The following SYNPO2 variants were observed in gnomAD, a reference collection of about 807,000 sequenced individuals.
SYNPO2 encodes synaptopodin-2.
SYNPO2 carries 56 observed loss-of-function variants against 85.0 expected under a neutral mutation model. The ratio of observed to expected loss-of-function variants is 0.66; its 90% CI spans 0.53 to 0.82. The LOEUF (loss-of-function observed/expected upper bound fraction) is 0.82, where lower values mean the gene tolerates loss of function less well. Ranked by LOEUF, SYNPO2 falls within the 40% of genes least tolerant of loss-of-function variation. The probability of loss-of-function intolerance (pLI) is 0.00; values close to 1 mark genes in which losing one functional copy is unlikely to be tolerated. For synonymous variants in SYNPO2, 602 were observed against 591.1 expected, an observed-to-expected ratio of 1.02 and a Z score of -0.27; for missense variants, 1,575 against 1,534.2, an observed-to-expected ratio of 1.03 and a Z score of -0.44.
At chr4:119,008,775 A>G (rs573672582) in intron 1 of SYNPO2, among the ~76,000 whole-genome samples, 2 of 152,138 alleles carry the variant, frequency 1.3e-5, no homozygotes, top group East Asian at 1.9e-4. Flanking sequence ...TTTTTTGCTG[A>G]ACTTTAACTC....
intron 1 of SYNPO2, 61 bp downstream of exon 1, chr4:118,889,202 C>G (rs1055589298): frequency 6.8e-7 from 1 of 1,466,064 alleles, no homozygotes; most frequent in African/African-American, 1.4e-5. Flanking sequence ...AAGCAACCTG[C>G]TGATGGTGTT....
At chr4:119,056,220 G>A (rs1739201242) in intron 4 of SYNPO2, among the ~76,000 whole-genome samples, 1 of 152,182 alleles carries the variant, frequency 6.6e-6, no homozygotes, top group African/African-American at 2.4e-5. Flanking sequence ...ATGCAGAGGA[G>A]TAAAAGGAGA....
chr4:118,879,569 T>C (rs1007697486), intron 1 of SYNPO2, among the ~76,000 whole-genome samples: 16 of 152,330 alleles, frequency 1.1e-4, no homozygotes, highest in African/African-American at 3.4e-4. Context: ...ACAGTGGACC[T>C]AGCAGCCCTT....
At chr4:118,864,281 T>A (rs534960637) in intron 1 of SYNPO2, among the ~76,000 whole-genome samples, 1 of 152,350 alleles carries the variant, frequency 6.6e-6, no homozygotes, top group African/African-American at 2.4e-5. Flanking sequence ...CCTCTTATTA[T>A]TGATTTTATT....
At chr4:118,891,101 C>T (rs1732365499) in intron 1 of SYNPO2, among the ~76,000 whole-genome samples, 1 of 152,080 alleles carries the variant, frequency 6.6e-6, no homozygotes. Flanking sequence ...CTAATGGCAT[C>T]TCTATTTTCA....
chr4:118,864,008 T>G (rs1391890309), intron 1 of SYNPO2, among the ~76,000 whole-genome samples: 1 of 152,224 alleles, frequency 6.6e-6, no homozygotes, highest in Admixed American at 6.5e-5. Flanking sequence ...GGGTTTGGTT[T>G]GCTCTTGTTT....
At chr4:119,035,540 T>C (rs1738473166) in intron 4 of SYNPO2, 1 of 985,474 alleles carries the variant, frequency 1.0e-6, no homozygotes. Flanking sequence ...CTCTAGAGCA[T>C]GTCAAACTTT....
At chr4:119,024,437 A>G (rs1487710522) in intron 2 of SYNPO2, among the ~76,000 whole-genome samples, 1 of 152,076 alleles carries the variant, frequency 6.6e-6, no homozygotes, top group Admixed American at 6.6e-5. Context: ...TTTTTCCTCA[A>G]CTCTGCAGAA....
chr4:119,048,091 C>A (rs1454668084), intron 4 of SYNPO2, among the ~76,000 whole-genome samples: 1 of 152,136 alleles, frequency 6.6e-6, no homozygotes, highest in Non-Finnish European at 1.5e-5. Context: ...GACCTGAATG[C>A]AAATCATTTA....
At chr4:119,041,741 C>T (rs1738722349) in intron 4 of SYNPO2, among the ~76,000 whole-genome samples, 1 of 152,146 alleles carries the variant, frequency 6.6e-6, no homozygotes, top group Non-Finnish European at 1.5e-5. Flanking sequence ...ATATACAGCA[C>T]TTTAGTATGA....
intron 1 of SYNPO2, among the ~76,000 whole-genome samples, chr4:118,989,480 C>G (rs2149167199): frequency 6.6e-6 from 1 of 152,278 alleles, no homozygotes; most frequent in South Asian, 2.1e-4. Context: ...CCCTAGCAAG[C>G]CTGAGGGCAT....
chr4:118,985,153 C>T (rs1053275057), intron 1 of SYNPO2, among the ~76,000 whole-genome samples: 14 of 151,332 alleles, frequency 9.3e-5, no homozygotes, highest in African/African-American at 1.2e-4. Context: ...TTACGTACAC[C>T]GAAGCTTCAG....
intron 1 of SYNPO2, among the ~76,000 whole-genome samples, chr4:118,942,684 GA>G (rs1734356141): frequency 6.6e-6 from 1 of 152,172 alleles, no homozygotes; most frequent in African/African-American, 2.4e-5. Context: ...TGCCACAGGG[GA>G]CATTTGGCAA....
intron 1 of SYNPO2, among the ~76,000 whole-genome samples, chr4:119,001,523 AT>A (rs879574272): frequency 1.3e-5 from 2 of 152,204 alleles, no homozygotes; most frequent in Admixed American, 6.5e-5. Flanking sequence ...GGCAACTTTT[AT>A]TTGTCCAGAG....
intron 1 of SYNPO2, among the ~76,000 whole-genome samples, chr4:118,987,782 A>G (rs1318034284): frequency 6.6e-6 from 1 of 152,132 alleles, no homozygotes; most frequent in Non-Finnish European, 1.5e-5. Flanking sequence ...ACTCTGCTCC[A>G]TTTTTGTTTT....
intron 4 of SYNPO2, among the ~76,000 whole-genome samples, chr4:119,049,309 T>A (rs753818137): frequency 9.2e-5 from 14 of 152,372 alleles, no homozygotes; most frequent in South Asian, 6.2e-4. Context: ...TTTTTATTCC[T>A]CTTCACTTTT....
chr4:119,045,837 G>A (rs1310409090), intron 4 of SYNPO2, among the ~76,000 whole-genome samples: 1 of 152,170 alleles, frequency 6.6e-6, no homozygotes, highest in Non-Finnish European at 1.5e-5. Context: ...TATTGTCACA[G>A]GCTCTAACTT....
At chr4:118,887,060 T>G (rs1732210690), upstream of SYNPO2, among the ~76,000 whole-genome samples, 1 of 152,202 alleles carries the variant, frequency 6.6e-6, no homozygotes. Flanking sequence ...TTGAAAGTTC[T>G]CCCCATGTCT....
intron 1 of SYNPO2, among the ~76,000 whole-genome samples, chr4:118,965,803 C>A (rs1212250857): frequency 2.0e-5 from 3 of 152,030 alleles, no homozygotes; most frequent in Admixed American, 2.0e-4. Flanking sequence ...GTAGAGGGGG[C>A]TGGGTATGGT....
Sources: gnomAD v4.1 joint callset for allele counts (sites outside exome capture counted in the v4.1 genomes callset) on GRCh38, gnomAD v4.1.1 for gene constraint, MANE v1.5 for transcripts, NCBI Gene and HGNC (gene_info 2026-07-23, HGNC 2026-07-21) for gene names.